PIK3C2G: variants seen among roughly 807,000 people sequenced by gnomAD.
The protein encoded by PIK3C2G is phosphatidylinositol 3-kinase C2 domain-containing subunit gamma.
PIK3C2G carries 168 observed loss-of-function variants against 181.1 expected under a neutral mutation model. The ratio of observed to expected loss-of-function variants is 0.93; its 90% CI spans 0.82 to 1.05. The LOEUF is 1.05. Among genes scored for constraint, PIK3C2G ranks in the 50% least tolerant of loss-of-function variants. The pLI is 0.00. For synonymous variants in PIK3C2G, 573 were observed against 592.2 expected (o/e 0.97, Z 0.47); for missense variants, 1,869 against 1,732.8 (o/e 1.08, Z -1.40).
intron 29 of PIK3C2G, among the ~76,000 whole-genome samples, chr12:18,580,473 C>G (rs1363965664): frequency 2.0e-5 from 3 of 152,008 alleles, no homozygotes. Flanking sequence ...CTTGCTAAAC[C>G]CAGATGTTAA....
At chr12:18,431,205 T>A (rs1200453060) in intron 18 of PIK3C2G, among the ~76,000 whole-genome samples, 2 of 152,166 alleles carry the variant, frequency 1.3e-5, no homozygotes, top group African/African-American at 4.8e-5. Flanking sequence ...AATATATATA[T>A]TCTGAACCTA....
Position 18,297,111 on chromosome 12 carries a change from T to C in PIK3C2G, c.1034+3096T>C, listed in dbSNP as rs563315408. Among the ~76,000 whole-genome samples the C allele has an allele frequency of 3.9e-5, 6 of 152,128 alleles. No individual in the cohort carries two copies. The East Asian group carries it at 1.2e-3, about 29-fold the overall frequency. ...TCTTTCCTATTGAATGTAGCACAGA[T>C]ATGAGATCCTAGAAAATGAAACTAT... On this transcript the variant is annotated intron_variant, in intron 5 of 32. Transcript: ENST00000538779.
At chr12:18,475,897 T>C (rs1161181983) in intron 18 of PIK3C2G, among the ~76,000 whole-genome samples, 1 of 152,124 alleles carries the variant, frequency 6.6e-6, no homozygotes, top group Non-Finnish European at 1.5e-5. Flanking sequence ...AAATAAATTT[T>C]AGGAAGATGG....
chr12:18,509,079 T>C (rs1942040113), intron 24 of PIK3C2G, among the ~76,000 whole-genome samples: 6 of 152,064 alleles, frequency 3.9e-5, no homozygotes, highest in Admixed American at 3.9e-4. Flanking sequence ...TGAGATGGAG[T>C]CTCGCTCTGT....
the PIK3C2G span, among the ~76,000 whole-genome samples, chr12:18,695,834 C>G: frequency 6.6e-6 from 1 of 152,000 alleles, no homozygotes; most frequent in Non-Finnish European, 1.5e-5. Flanking sequence ...TTGAGCATAC[C>G]TCAAGCAAAG....
intron 3 of PIK3C2G, 105 bp downstream of exon 3, chr12:18,287,034 A>G: frequency 2.1e-6 from 1 of 474,724 alleles, no homozygotes; most frequent in African/African-American, 2.0e-5. Context: ...AGTCAAAGTC[A>G]TGTAATTTCT....
chr12:18,424,825 T>G, intron 18 of PIK3C2G: 1 of 210,398 alleles, frequency 4.8e-6, no homozygotes, highest in Non-Finnish European at 1.0e-5. Flanking sequence ...CTGGAGCAGC[T>G]GTACCACATT....
chr12:18,415,559 C>T (rs745739859), intron 16 of PIK3C2G, among the ~76,000 whole-genome samples: 1 of 152,072 alleles, frequency 6.6e-6, no homozygotes, highest in Non-Finnish European at 1.5e-5. Flanking sequence ...TAAGTAGTCA[C>T]GTGAAAGGAA....
intron 18 of PIK3C2G, among the ~76,000 whole-genome samples, chr12:18,452,504 T>TA (rs140549381): frequency 2.6e-4 from 40 of 151,290 alleles, no homozygotes; most frequent in East Asian, 5.8e-4. Flanking sequence ...AATCTTTTTT[T>TA]AAAAAAAAAC....
chr12:18,324,117 T>A (rs1951228113), intron 7 of PIK3C2G, among the ~76,000 whole-genome samples: 3 of 151,836 alleles, frequency 2.0e-5, no homozygotes, highest in African/African-American at 7.3e-5. Context: ...CTACTCCGGA[T>A]GCTGAGGCAG....
chr12:18,400,552 C>T (rs917292458), intron 16 of PIK3C2G, among the ~76,000 whole-genome samples: 4 of 152,104 alleles, frequency 2.6e-5, no homozygotes, highest in African/African-American at 9.7e-5. Flanking sequence ...TGTGAAACCC[C>T]GCTCTATTCT....
At chr12:18,593,832 T>G (rs2136488673) in intron 29 of PIK3C2G, among the ~76,000 whole-genome samples, 1 of 152,016 alleles carries the variant, frequency 6.6e-6, no homozygotes, top group African/African-American at 2.4e-5. Flanking sequence ...TAAAGTAATA[T>G]AATCTGTTTT....
intron 30 of PIK3C2G, among the ~76,000 whole-genome samples, chr12:18,604,375 G>A (rs1380435144): frequency 6.6e-6 from 1 of 152,024 alleles, no homozygotes; most frequent in Non-Finnish European, 1.5e-5. Flanking sequence ...ACCTAACACT[G>A]GGGCTCCCAA....
chr12:18,588,108 G>A (rs1316761182), intron 29 of PIK3C2G, among the ~76,000 whole-genome samples: 1 of 151,938 alleles, frequency 6.6e-6, no homozygotes, highest in Non-Finnish European at 1.5e-5. Context: ...ACTCAAGATG[G>A]TATAAAGACT....
At chr12:18,434,301 T>G (rs1313189437) in intron 18 of PIK3C2G, among the ~76,000 whole-genome samples, 1 of 152,196 alleles carries the variant, frequency 6.6e-6, no homozygotes, top group South Asian at 2.1e-4. Context: ...CTGTCAATAC[T>G]GTTGCAATGG....
downstream of PIK3C2G, among the ~76,000 whole-genome samples, chr12:18,652,920 AT>A (rs1950579908): frequency 6.6e-6 from 1 of 151,848 alleles, no homozygotes; most frequent in Non-Finnish European, 1.5e-5. Context: ...GAATATACAT[AT>A]TCTGTCTCAC....
At chr12:18,576,753 A>G (rs917650195) in intron 29 of PIK3C2G, among the ~76,000 whole-genome samples, 5 of 152,176 alleles carry the variant, frequency 3.3e-5, no homozygotes, top group Admixed American at 3.3e-4. Flanking sequence ...TTGGGTTCCA[A>G]GTGATTTTTG....
At chr12:18,645,770 C>T (rs1200457240) in intron 32 of PIK3C2G, among the ~76,000 whole-genome samples, 1 of 152,146 alleles carries the variant, frequency 6.6e-6, no homozygotes, top group Non-Finnish European at 1.5e-5. Context: ...AGAAAACACA[C>T]AGTTGACAAC....
At chr12:18,409,464 T>C (rs1323583481) in intron 16 of PIK3C2G, among the ~76,000 whole-genome samples, 1 of 152,050 alleles carries the variant, frequency 6.6e-6, no homozygotes, top group Non-Finnish European at 1.5e-5. Flanking sequence ...GGTTGATGGA[T>C]GCAGCAAACC....
Sources: gnomAD v4.1 joint callset for allele counts (sites outside exome capture counted in the v4.1 genomes callset) on GRCh38, gnomAD v4.1.1 for gene constraint, MANE v1.5 for transcripts, NCBI Gene and HGNC (gene_info 2026-07-23, HGNC 2026-07-21) for gene names.